The following FNDC3A variants were observed in gnomAD, a reference collection of about 807,000 sequenced individuals.
FNDC3A encodes fibronectin type-III domain-containing protein 3A.
Under a neutral mutation model 148.9 loss-of-function variants are expected in FNDC3A, and 32 were observed. The observed-to-expected ratio is 0.21, with a 90% CI of 0.16 to 0.29. FNDC3A has a LOEUF of 0.29. FNDC3A is among the 10% of genes least tolerant of loss of function. The pLI, the probability that FNDC3A is intolerant of heterozygous loss-of-function variation, is 1.00. For missense variants in FNDC3A, 1,191 were observed against 1,452.8 expected (o/e 0.82, Z 2.93); for synonymous variants, 472 against 473.6 (o/e 1.00, Z 0.04).
At chr13:49,126,067 G>A (rs1038521561) in intron 4 of FNDC3A, among the ~76,000 whole-genome samples, 1 of 151,870 alleles carries the variant, frequency 6.6e-6, no homozygotes, top group Non-Finnish European at 1.5e-5. Context: ...AGTGTACCCT[G>A]TTGGTGTGAA....
In FNDC3A at chr13:49,171,765, G is replaced by T. The variant is rs569039278; in HGVS notation, c.1177-278G>T. Among the ~76,000 whole-genome samples the T allele has an allele frequency of 2.0e-5, 3 of 152,142 alleles. No individual in the cohort carries two copies. The South Asian group carries it at 6.2e-4, about 32-fold the overall frequency. On this transcript the variant is annotated intron_variant, in intron 10 of 25. Coordinates refer to ENST00000492622, the MANE Select transcript of FNDC3A (RefSeq NM_001079673.2). The stretch of plus-strand genomic sequence containing the variant: ...AAACTCTCTGGAAGAAAAGCAAAAT[G>T]GTTTTTTTAAAGACTTTTTCAAGTT...
At chr13:49,206,689 C>T (rs916258535) in intron 25 of FNDC3A, among the ~76,000 whole-genome samples, 1 of 152,108 alleles carries the variant, frequency 6.6e-6, no homozygotes, top group African/African-American at 2.4e-5. Flanking sequence ...ATCAGTTATA[C>T]AAAGACATAA....
intron 8 of FNDC3A, among the ~76,000 whole-genome samples, chr13:49,153,265 G>A (rs1240138997): frequency 6.6e-6 from 1 of 151,838 alleles, no homozygotes; most frequent in South Asian, 2.1e-4. Flanking sequence ...TTCTCTGATG[G>A]CCAGTGATGA....
chr13:49,145,375 T>C (rs1882933703), intron 7 of FNDC3A, among the ~76,000 whole-genome samples: 2 of 152,232 alleles, frequency 1.3e-5, no homozygotes, highest in South Asian at 4.1e-4. Context: ...TTATATGTTG[T>C]CCATTTATAT....
chr13:49,163,344 C>T (rs375530885), intron 8 of FNDC3A, among the ~76,000 whole-genome samples: 113 of 152,294 alleles, frequency 7.4e-4, no homozygotes, highest in African/African-American at 2.5e-3. Context: ...TAATGGCGGA[C>T]GCTCCTCCCC....
intron 13 of FNDC3A, among the ~76,000 whole-genome samples, chr13:49,177,547 T>C (rs894282881): frequency 1.3e-5 from 2 of 152,094 alleles, no homozygotes; most frequent in African/African-American, 4.8e-5. Context: ...CCCAAAAGAA[T>C]TGAAAACACA....
At chr13:48,983,463 A>G (rs903775931) in intron 1 of FNDC3A, among the ~76,000 whole-genome samples, 1 of 152,326 alleles carries the variant, frequency 6.6e-6, no homozygotes, top group African/African-American at 2.4e-5. Flanking sequence ...CTCAGTTGCA[A>G]CTACTTAAAC....
rs1397549557 is a variant in FNDC3A, at chr13:49,208,718, A to G, written c.*1323A>G. The G allele has an allele frequency of 1.3e-5, 2 of 152,630 alleles. No individual in the cohort carries two copies. Among genetic ancestry groups the G allele is most frequent in the African/African-American group, 4.8e-5 (2 of 41,460 alleles). 9.5% of individuals were successfully genotyped at this position (152,630 alleles called of 1,614,324 possible). On this transcript the variant is annotated 3_prime_UTR_variant, in exon 26 of 26. Coordinates refer to ENST00000492622, the MANE Select transcript of FNDC3A (RefSeq NM_001079673.2). The stretch of plus-strand genomic sequence containing the variant: ...ACAGTTTATAATGAAACTATCTACA[A>G]TTCTTGTTTTAGCACATCTGTTATC...
chr13:49,201,218 C>T, intron 23 of FNDC3A: 1 of 278,366 alleles, frequency 3.6e-6, no homozygotes, highest in African/African-American at 2.3e-5. Flanking sequence ...CTTCATTGAA[C>T]AGTTCAAGTG....
chr13:49,150,732 G>A (rs538263912), intron 8 of FNDC3A, among the ~76,000 whole-genome samples: 5 of 152,130 alleles, frequency 3.3e-5, no homozygotes, highest in Admixed American at 6.6e-5. Flanking sequence ...AGATCACGAT[G>A]GCAAGAGATC....
chr13:49,198,045 G>A lies in FNDC3A; in HGVS notation c.2554G>A (p.Val852Ile), dbSNP rs2138127189. Residue 852 changes from valine (V) to isoleucine (I), a missense_variant, in exon 22 of 26, where the codon GTT (valine) becomes ATT (isoleucine). Transcript: ENST00000492622. Reference sequence around the variant, plus strand: ...AGTAGCCTGTGTGACTCCACCATCAGTTCCTGGCATTGTGACCTGTCTTCA... The same window carrying A: ...AGTAGCCTGTGTGACTCCACCATCAATTCCTGGCATTGTGACCTGTCTTCA... ...EVVACVTPPS[V>I]PGIVTCLQEI... 6.2e-7 allele frequency: 1 copy of A among 1,614,162 alleles called. No individual in the cohort carries two copies. Among genetic ancestry groups the A allele is most frequent in the Non-Finnish European group, 8.5e-7 (1 of 1,180,034 alleles).
intron 19 of FNDC3A, among the ~76,000 whole-genome samples, chr13:49,194,493 TGAGAGTAA>T (rs1886052289): frequency 6.6e-6 from 1 of 152,244 alleles, no homozygotes; most frequent in Non-Finnish European, 1.5e-5. Context: ...GGTATTCATG[TGAGAGTAA>T]AGCATATTCT....
chr13:49,121,601 C>T (rs1566264238), intron 4 of FNDC3A, among the ~76,000 whole-genome samples: 3 of 152,126 alleles, frequency 2.0e-5, no homozygotes, highest in East Asian at 1.9e-4. Context: ...AGACCACTAG[C>T]TGGACTGTTA....
chr13:49,088,726 T>C (rs1458246424), intron 3 of FNDC3A, among the ~76,000 whole-genome samples: 1 of 152,124 alleles, frequency 6.6e-6, no homozygotes, highest in Non-Finnish European at 1.5e-5. Context: ...CAGTCTTTTT[T>C]TCTTTTTTTT....
intron 3 of FNDC3A, among the ~76,000 whole-genome samples, chr13:49,081,272 A>G (rs190255297): frequency 5.9e-5 from 9 of 152,304 alleles, no homozygotes; most frequent in Admixed American, 2.0e-4. Flanking sequence ...CACTACATGT[A>G]AGAGAGAAAA....
intron 3 of FNDC3A, among the ~76,000 whole-genome samples, chr13:49,080,090 C>T (rs1878373382): frequency 1.3e-5 from 2 of 152,136 alleles, no homozygotes; most frequent in Admixed American, 1.3e-4. Flanking sequence ...GACAATTGTA[C>T]CTGGCCCAAT....
Position 49,006,204 on chromosome 13 carries a change from C to T in FNDC3A, c.14C>T (p.Pro5Leu). MAEH[P>L]PLLDTTQILS... is the part of the protein sequence containing the mutation. The stretch of plus-strand genomic sequence containing the variant: ...GTCTTATTGATAATGGCAGAACATC[C>T]ACCACTACTGGATACAACTCAGATC... The change falls in exon 2 of 26, where the codon CCA (proline) becomes CTA (leucine). Residue 5 changes from proline to leucine, a missense_variant. Around this residue, in one of 3 missense-constraint regions of FNDC3A, gnomAD observed 426 missense variants for 473.2 expected, o/e 0.90. Coordinates refer to ENST00000492622, the MANE Select transcript of FNDC3A (RefSeq NM_001079673.2). 6.3e-7 allele frequency: 1 copy of T among 1,599,542 alleles called. No homozygotes were observed. The highest frequency in any genetic ancestry group is 8.6e-7 in the Non-Finnish European group (1 of 1,168,650).
intron 5 of FNDC3A, among the ~76,000 whole-genome samples, chr13:49,134,876 T>TCTCG (rs1194902509): frequency 9.1e-6 from 1 of 110,174 alleles, no homozygotes; most frequent in Non-Finnish European, 1.7e-5. Context: ...TGAGACAGAG[T>TCTCG]CTCGCTCTGT....
intron 4 of FNDC3A, among the ~76,000 whole-genome samples, chr13:49,117,311 G>C (rs1383569319): frequency 6.6e-6 from 1 of 152,058 alleles, no homozygotes; most frequent in Non-Finnish European, 1.5e-5. Context: ...GTTCTGTCCT[G>C]GTTTGCCTTT....
Sources: allele counts gnomAD v4.1 joint callset (sites outside exome capture counted in the v4.1 genomes callset), GRCh38; gene constraint gnomAD v4.1.1; regional missense constraint gnomAD v4.1.1; transcripts MANE v1.5; gene names NCBI Gene and HGNC (gene_info 2026-07-23, HGNC 2026-07-21).